ANKH: variants seen among roughly 807,000 people sequenced by gnomAD.
ANKH encodes ANKH inorganic pyrophosphate transport regulator, also known as mineralization regulator ANKH.
In ANKH, 15 loss-of-function variants were observed where a neutral mutation model predicts 49.0. The ratio of observed to expected loss-of-function variants is 0.31; its 90% CI spans 0.20 to 0.47. The LOEUF is 0.47. Ranked by LOEUF, ANKH falls within the 20% of genes least tolerant of loss-of-function variation. The probability of loss-of-function intolerance (pLI) is 1.00; values close to 1 mark genes in which losing one functional copy is unlikely to be tolerated. For missense variants in ANKH, 429 were observed against 652.0 expected (o/e 0.66, Z 3.72); for synonymous variants, 273 against 260.0 (o/e 1.05, Z -0.48).
intron 8 of ANKH, among the ~76,000 whole-genome samples, chr5:14,721,781 T>C (rs1241189715): frequency 6.6e-6 from 1 of 151,734 alleles, no homozygotes; most frequent in Admixed American, 6.6e-5. Flanking sequence ...ATACAAAAAA[T>C]TAGCCAGGCA....
intron 8 of ANKH, among the ~76,000 whole-genome samples, chr5:14,735,038 T>C (rs774667683): frequency 2.6e-5 from 4 of 152,250 alleles, no homozygotes; most frequent in Non-Finnish European, 5.9e-5. Context: ...GGGCACTGCA[T>C]TATTCAATGA....
intron 7 of ANKH, among the ~76,000 whole-genome samples, chr5:14,742,280 A>G (rs935661615): frequency 6.6e-6 from 1 of 152,182 alleles, no homozygotes; most frequent in Non-Finnish European, 1.5e-5. Context: ...CCTGGCCACC[A>G]TCGGCATCTC....
intron 8 of ANKH, among the ~76,000 whole-genome samples, chr5:14,723,355 T>TAAA (rs758534481): frequency 3.0e-4 from 10 of 33,494 alleles, no homozygotes; most frequent in Admixed American, 1.0e-3. Context: ...TATTCTTTTT[T>TAAA]TAAAAAAAAA....
At position 14,706,474 on chromosome 5, in the gene ANKH, A is replaced by G. The variant is rs930668119; in HGVS notation, c.*4723T>C. On this transcript the variant is annotated 3_prime_UTR_variant, in exon 12 of 12. Coordinates refer to ENST00000284268, the MANE Select transcript of ANKH (RefSeq NM_054027.6). ...AGAAAGTTGCAAGTTAATAGATTTA[A>G]TGTCCACTCTTGAGAAGAAAATAAA... 1 of 152,210 alleles carries G rather than the reference A, an allele frequency of 6.6e-6. No individual in the cohort carries two copies. Among genetic ancestry groups the G allele is most frequent in the Non-Finnish European group, 1.5e-5 (1 of 68,042 alleles). 9.4% of individuals were successfully genotyped at this position (152,210 alleles called of 1,614,324 possible).
chr5:14,791,931 A>C (rs1459490387), intron 1 of ANKH, among the ~76,000 whole-genome samples: 1 of 152,226 alleles, frequency 6.6e-6, no homozygotes, highest in African/African-American at 2.4e-5. Flanking sequence ...TGGACCACAC[A>C]CAAGAGGTTT....
intron 2 of ANKH, among the ~76,000 whole-genome samples, chr5:14,766,944 G>A (rs1384999033): frequency 6.6e-6 from 1 of 152,166 alleles, no homozygotes; most frequent in Non-Finnish European, 1.5e-5. Context: ...CACACACATA[G>A]TTATCCAGGA....
chr5:14,845,928 T>C (rs1407271659), intron 1 of ANKH, among the ~76,000 whole-genome samples: 4 of 137,076 alleles, frequency 2.9e-5, no homozygotes, highest in Admixed American at 8.4e-5. Flanking sequence ...CAATCTCAGC[T>C]CACCACAACC....
chr5:14,826,258 G>C (rs1379845900), intron 1 of ANKH, among the ~76,000 whole-genome samples: 2 of 152,180 alleles, frequency 1.3e-5, no homozygotes, highest in Admixed American at 6.5e-5. Flanking sequence ...GCTGTATTAG[G>C]TAGAATGAAC....
At chr5:14,801,011 C>T (rs534522858) in intron 1 of ANKH, among the ~76,000 whole-genome samples, 9 of 152,316 alleles carry the variant, frequency 5.9e-5, no homozygotes, top group Admixed American at 5.2e-4. Flanking sequence ...TAGGTGTGAG[C>T]TACCACACCC....
At chr5:14,724,093 G>A (rs1422938527) in intron 8 of ANKH, among the ~76,000 whole-genome samples, 1 of 152,168 alleles carries the variant, frequency 6.6e-6, no homozygotes, top group African/African-American at 2.4e-5. Context: ...CGAGGTGGAT[G>A]GATCACTTGA....
At chr5:14,843,700 C>T (rs1313040749) in intron 1 of ANKH, among the ~76,000 whole-genome samples, 3 of 152,156 alleles carry the variant, frequency 2.0e-5, no homozygotes, top group South Asian at 2.1e-4. Context: ...CGTTTCTCTC[C>T]TATTACCTCG....
chr5:14,762,657 A>C (rs1464930786), intron 2 of ANKH, among the ~76,000 whole-genome samples: 2 of 150,852 alleles, frequency 1.3e-5, no homozygotes, highest in Non-Finnish European at 2.9e-5. Flanking sequence ...ATAAAATCCC[A>C]ACAACTGTTT....
rs146076871 is a variant in ANKH, at chr5:14,848,719, C to T, written c.96+22633G>A. ...GCTGAACACTAGTTGCTGGGTTCCA[C>T]GGTTCTCTTCCGTGACCCACGGCTT... On this transcript the variant is annotated intron_variant, in intron 1 of 11. Coordinates refer to ENST00000284268, the MANE Select transcript of ANKH (RefSeq NM_054027.6). Among the ~76,000 whole-genome samples, 855 of 152,294 alleles carry T rather than the reference C, an allele frequency of 5.6e-3. 10 individuals are homozygous for T. The highest frequency in any genetic ancestry group is 0.019 in the African/African-American group (782 of 41,548).
chr5:14,743,418 G>A (rs1363164503), intron 7 of ANKH, among the ~76,000 whole-genome samples: 2 of 152,334 alleles, frequency 1.3e-5, no homozygotes, highest in South Asian at 2.1e-4. Context: ...CATGAAGATC[G>A]TGAAAATAAA....
chr5:14,818,708 A>G (rs1741115510), intron 1 of ANKH, among the ~76,000 whole-genome samples: 1 of 150,982 alleles, frequency 6.6e-6, no homozygotes, highest in African/African-American at 2.4e-5. Context: ...CCCTGTGTGC[A>G]CACTGGGCTT....
intron 8 of ANKH, chr5:14,724,572 G>A (rs1042229258): frequency 8.1e-6 from 8 of 985,232 alleles, no homozygotes; most frequent in Admixed American, 6.2e-5. Context: ...GCTACAGTCC[G>A]AAACAGAGCT....
chr5:14,840,611 A>G (rs1298367068), intron 1 of ANKH, among the ~76,000 whole-genome samples: 1 of 152,178 alleles, frequency 6.6e-6, no homozygotes, highest in Non-Finnish European at 1.5e-5. Context: ...TTCAAGCAAA[A>G]GTGGATGCTT....
rs1739390739 is a variant in ANKH, at chr5:14,770,223, C to T, written c.97-1032G>A. Among the ~76,000 whole-genome samples the T allele has an allele frequency of 6.6e-6, 1 of 151,990 alleles. No homozygotes were observed. ...ACAGAGCATTCCCATATATCCTTTGCCCCCCACAAACACGGAGCCTCCCCT... is the reference window on the plus strand; with the variant it reads ...ACAGAGCATTCCCATATATCCTTTGTCCCCCACAAACACGGAGCCTCCCCT... On this transcript the variant is annotated intron_variant, in intron 1 of 11. Coordinates refer to ENST00000284268, the MANE Select transcript of ANKH (RefSeq NM_054027.6). This position sits in a 1 kb window ranked among gnomAD's most constrained non-coding sequence, Gnocchi z 4.1.
At position 14,707,554 on chromosome 5, in the gene ANKH, G is replaced by C. The variant is rs1238067359; in HGVS notation, c.*3643C>G. On this transcript the variant is annotated 3_prime_UTR_variant, in exon 12 of 12. Transcript: ENST00000284268. ...GAGGGCTGGGAGTGAGCACTCCTGA[G>C]CTGGCCCCGCTGCGACGCATCCTGG... The C allele has an allele frequency of 2.6e-5, 4 of 152,180 alleles. No homozygotes were observed. Among genetic ancestry groups the C allele is most frequent in the Non-Finnish European group, 4.4e-5 (3 of 68,028 alleles). The allele number at this position is 152,180 out of a possible 1,614,324, so 9.4% of individuals were successfully genotyped here.
Sources: allele counts gnomAD v4.1 joint callset (sites outside exome capture counted in the v4.1 genomes callset), GRCh38; gene constraint gnomAD v4.1.1; non-coding constraint Gnocchi (gnomAD v3.1); transcripts MANE v1.5; gene names NCBI Gene and HGNC (gene_info 2026-07-23, HGNC 2026-07-21).